NBEA: variants seen among roughly 807,000 people sequenced by gnomAD.
NBEA encodes the protein neurobeachin.
In NBEA, 44 loss-of-function variants were observed where a neutral mutation model predicts 343.4. The observed-to-expected ratio is 0.13, with a 90% CI of 0.10 to 0.16. NBEA has a LOEUF of 0.16. Among genes scored for constraint, NBEA ranks in the 10% least tolerant of loss-of-function variants. NBEA has a pLI of 1.00. For missense variants in NBEA, 2,555 were observed against 3,631.3 expected (o/e 0.70, Z 7.62); for synonymous variants, 1,175 against 1,238.7 (o/e 0.95, Z 1.08).
chr13:35,364,888 G>T (rs1347869581), intron 38 of NBEA, among the ~76,000 whole-genome samples: 1 of 151,714 alleles, frequency 6.6e-6, no homozygotes, highest in African/African-American at 2.4e-5. Flanking sequence ...ATATAATGCA[G>T]GTGCAAAGGG....
At chr13:35,590,062 A>T (rs868519370) in intron 46 of NBEA, among the ~76,000 whole-genome samples, 1 of 152,108 alleles carries the variant, frequency 6.6e-6, no homozygotes, top group Non-Finnish European at 1.5e-5. Context: ...CTGTTGATGT[A>T]CACATGGAAA....
At chr13:35,280,275 A>G (rs1029492705) in intron 34 of NBEA, among the ~76,000 whole-genome samples, 7 of 152,124 alleles carry the variant, frequency 4.6e-5, no homozygotes, top group Non-Finnish European at 7.4e-5. Flanking sequence ...TGCTATTTAC[A>G]TATTTGTTTT....
In NBEA at chr13:35,159,561, A is replaced by C; in HGVS notation, c.3390A>C (p.Ile1130=). The change falls in exon 22 of 59, where the codon ATA becomes ATC. Residue 1130 remains isoleucine, a synonymous_variant. Coordinates refer to ENST00000379939, the MANE Select transcript of NBEA (RefSeq NM_001385012.1). ...AAGAAAAGGATAATGGTCCATTGAT[A>C]ACATTAGCAGATGAGAAAGAAGACC... ...KNEEKDNGPL[I]TLADEKEDLP... is the part of the protein sequence containing the mutation. 3 of 1,612,672 alleles carry C rather than the reference A, an allele frequency of 1.9e-6. No individual in the cohort carries two copies. Among genetic ancestry groups the C allele is most frequent in the Non-Finnish European group, 2.5e-6 (3 of 1,179,494 alleles).
At chr13:35,534,202 G>GA (rs1189265145) in intron 41 of NBEA, among the ~76,000 whole-genome samples, 7 of 152,116 alleles carry the variant, frequency 4.6e-5, no homozygotes, top group African/African-American at 7.2e-5. Flanking sequence ...GGAAATGGCA[G>GA]AAAACTCCTA....
chr13:35,509,991 A>G (rs2077214943), intron 41 of NBEA, among the ~76,000 whole-genome samples: 1 of 152,216 alleles, frequency 6.6e-6, no homozygotes, highest in Non-Finnish European at 1.5e-5. Flanking sequence ...CTTCTACTTC[A>G]TGATTTTGAA....
intron 18 of NBEA, among the ~76,000 whole-genome samples, chr13:35,148,406 C>T (rs2068570717): frequency 6.6e-6 from 1 of 152,154 alleles, no homozygotes. Flanking sequence ...AAAATACTAT[C>T]TGATCTTATC....
rs139989364 is a variant in NBEA, at chr13:35,062,454, G to T, written c.1239+3591G>T. Among the ~76,000 whole-genome samples the T allele has an allele frequency of 1.6e-4, 24 of 151,840 alleles. 1 individual carries two copies. The East Asian group carries it at 4.6e-3, about 29-fold the overall frequency. ...ATAAATGATGTTAGAAAACTTCTCA[G>T]ATTTGGTAAAAGGCTTACATTTATA... On this transcript the variant is annotated intron_variant, in intron 8 of 58. Transcript: ENST00000379939.
chr13:35,255,250 T>C (rs1481506414), intron 34 of NBEA, among the ~76,000 whole-genome samples: 1 of 152,246 alleles, frequency 6.6e-6, no homozygotes, highest in Non-Finnish European at 1.5e-5. Context: ...TTTCATTCTT[T>C]CCATATTGAA....
intron 39 of NBEA, among the ~76,000 whole-genome samples, chr13:35,435,305 G>A (rs977342160): frequency 6.6e-5 from 10 of 152,118 alleles, no homozygotes; most frequent in Non-Finnish European, 1.3e-4. Flanking sequence ...GAGCCACTGC[G>A]CTCGGCCTTA....
chr13:35,071,562 C>T (rs995075209), intron 10 of NBEA, among the ~76,000 whole-genome samples: 1 of 151,942 alleles, frequency 6.6e-6, no homozygotes, highest in Non-Finnish European at 1.5e-5. Flanking sequence ...TGATTATACA[C>T]ATTGCCATGC....
At chr13:35,036,937 CT>C (rs1041722742) in intron 1 of NBEA, among the ~76,000 whole-genome samples, 8 of 152,092 alleles carry the variant, frequency 5.3e-5, no homozygotes, top group African/African-American at 1.9e-4. Flanking sequence ...GATGTTTTCT[CT>C]AGGTTTGGTT....
intron 8 of NBEA, among the ~76,000 whole-genome samples, chr13:35,061,767 A>G (rs989214239): frequency 2.6e-5 from 4 of 151,744 alleles, no homozygotes; most frequent in African/African-American, 9.7e-5. Context: ...GTGAGCTCCT[A>G]ACAAACTGAT....
intron 1 of NBEA, among the ~76,000 whole-genome samples, chr13:34,982,360 A>G (rs1002508558): frequency 2.6e-5 from 4 of 151,754 alleles, no homozygotes; most frequent in African/African-American, 9.7e-5. Flanking sequence ...CACTGGTGCG[A>G]CCTACCTCAG....
At chr13:35,499,248 C>T (rs771825935) in intron 41 of NBEA, among the ~76,000 whole-genome samples, 9 of 152,014 alleles carry the variant, frequency 5.9e-5, no homozygotes, top group African/African-American at 2.2e-4. Flanking sequence ...AAAAGACTCC[C>T]ATAGTGAATG....
At chr13:35,369,669 A>G (rs1451690476) in intron 38 of NBEA, among the ~76,000 whole-genome samples, 1 of 151,928 alleles carries the variant, frequency 6.6e-6, no homozygotes, top group African/African-American at 2.4e-5. Context: ...TCATTCCTGT[A>G]TATAAACACT....
At chr13:35,344,408 TAAA>T (rs2039758168) in intron 36 of NBEA, among the ~76,000 whole-genome samples, 1 of 151,668 alleles carries the variant, frequency 6.6e-6, no homozygotes, top group African/African-American at 2.4e-5. Flanking sequence ...AAGCTAATAA[TAAA>T]GAAGTTTAAC....
At chr13:34,950,846 T>C (rs372457592) in intron 1 of NBEA, among the ~76,000 whole-genome samples, 1 of 152,184 alleles carries the variant, frequency 6.6e-6, no homozygotes, top group East Asian at 1.9e-4. Context: ...TCCAGCACTT[T>C]GGGAGTCTGA....
intron 38 of NBEA, among the ~76,000 whole-genome samples, chr13:35,397,509 G>A (rs1001619689): frequency 6.6e-6 from 1 of 152,134 alleles, no homozygotes; most frequent in Non-Finnish European, 1.5e-5. Context: ...AACTCCATGA[G>A]GGCAGAGACT....
intron 34 of NBEA, among the ~76,000 whole-genome samples, chr13:35,264,027 C>A (rs1593992938): frequency 1.4e-5 from 2 of 145,186 alleles, no homozygotes; most frequent in African/African-American, 2.5e-5. Flanking sequence ...ATTAGCTAGA[C>A]TAAGAAAAAA....
Sources: gnomAD v4.1 joint callset for allele counts (sites outside exome capture counted in the v4.1 genomes callset) on GRCh38, gnomAD v4.1.1 for gene constraint, MANE v1.5 for transcripts, NCBI Gene and HGNC (gene_info 2026-07-23, HGNC 2026-07-21) for gene names.